SH3PXD2B: variants seen among roughly 807,000 people sequenced by gnomAD.
SH3PXD2B encodes SH3 and PX domain-containing protein 2B.
SH3PXD2B carries 37 observed loss-of-function variants against 73.1 expected under a neutral mutation model. The observed-to-expected ratio is 0.51, with a 90% CI of 0.39 to 0.67. The LOEUF (loss-of-function observed/expected upper bound fraction) is 0.67, where lower values mean the gene tolerates loss of function less well. SH3PXD2B is among the 30% of genes least tolerant of loss of function. The pLI is 0.00. For synonymous variants in SH3PXD2B, 457 were observed against 480.5 expected (o/e 0.95, Z 0.64); for missense variants, 1,053 against 1,197.8 (o/e 0.88, Z 1.78).
chr5:172,441,238 T>C (rs1363293066), intron 1 of SH3PXD2B, among the ~76,000 whole-genome samples: 3 of 152,052 alleles, frequency 2.0e-5, no homozygotes, highest in Admixed American at 6.6e-5. Flanking sequence ...GATACCGAGG[T>C]TCTGAGAGGT....
At chr5:172,325,589 C>T (rs1355707185) in intron 12 of SH3PXD2B, among the ~76,000 whole-genome samples, 2 of 152,174 alleles carry the variant, frequency 1.3e-5, no homozygotes, top group African/African-American at 2.4e-5. Context: ...CTCGCTGGGT[C>T]CTCACGTGGT....
At chr5:172,429,537 C>A (rs1179601038) in intron 1 of SH3PXD2B, among the ~76,000 whole-genome samples, 1 of 151,598 alleles carries the variant, frequency 6.6e-6, no homozygotes, top group Non-Finnish European at 1.5e-5. Context: ...AACCTGATTG[C>A]AAACCCAGTT....
intron 6 of SH3PXD2B, among the ~76,000 whole-genome samples, chr5:172,372,854 T>G (rs1165428537): frequency 6.6e-6 from 1 of 152,136 alleles, no homozygotes; most frequent in Non-Finnish European, 1.5e-5. Flanking sequence ...AGCGCTGGAT[T>G]CTGGAAGTTC....
intron 1 of SH3PXD2B, among the ~76,000 whole-genome samples, chr5:172,438,959 C>T (rs181311339): frequency 1.2e-4 from 18 of 149,530 alleles, no homozygotes; most frequent in African/African-American, 4.4e-4. Context: ...AAAAAGATGG[C>T]AGGGTGTGGT....
At chr5:172,368,571 ATGTT>A (rs1757606774) in intron 6 of SH3PXD2B, among the ~76,000 whole-genome samples, 1 of 17,924 alleles carries the variant, frequency 5.6e-5, no homozygotes, top group African/African-American at 4.4e-4. Context: ...TATATAAAAT[ATGTT>A]ATATATATAT....
rs1756742654 is a variant in SH3PXD2B, at chr5:172,337,941, A to C, written c.*428T>G. On this transcript the variant is annotated 3_prime_UTR_variant, in exon 13 of 13. Transcript: ENST00000311601. ...GCTTTTAGAAACATGAAGAAGTTGG[A>C]GCAAAAGTCATCATGGACTGGGTTG... is the stretch of plus-strand genomic sequence containing the variant. 7.6e-6 allele frequency: 8 copies of C among 1,051,708 alleles called. No individual in the cohort carries two copies. The highest frequency in any genetic ancestry group is 9.2e-6 in the Non-Finnish European group (8 of 870,880). The allele number at this position is 1,051,708 out of a possible 1,614,324, so 65.1% of individuals were successfully genotyped here.
chr5:172,427,966 C>T (rs1175938810), intron 1 of SH3PXD2B, among the ~76,000 whole-genome samples: 6 of 151,850 alleles, frequency 4.0e-5, no homozygotes, highest in Admixed American at 2.0e-4. Context: ...TTAGTAGAGA[C>T]GGGGTTTCAC....
chr5:172,422,119 C>T (rs184782177), intron 2 of SH3PXD2B, among the ~76,000 whole-genome samples: 19 of 152,050 alleles, frequency 1.2e-4, no homozygotes, highest in African/African-American at 4.3e-4. Context: ...CTCAGCCTTC[C>T]GAGTAGCTGG....
intron 7 of SH3PXD2B, among the ~76,000 whole-genome samples, chr5:172,361,194 C>G (rs777767498): frequency 1.3e-5 from 2 of 151,978 alleles, no homozygotes; most frequent in Non-Finnish European, 2.9e-5. Flanking sequence ...TATGTTCACA[C>G]GTACACACAC....
At chr5:172,434,791 T>G (rs112411567) in intron 1 of SH3PXD2B, among the ~76,000 whole-genome samples, 1 of 149,882 alleles carries the variant, frequency 6.7e-6, no homozygotes, top group Non-Finnish European at 1.5e-5. Flanking sequence ...GGTTTTTTTT[T>G]TTTTTTTTTT....
chr5:172,425,319 G>A (rs571657393), intron 1 of SH3PXD2B, among the ~76,000 whole-genome samples: 1 of 152,268 alleles, frequency 6.6e-6, no homozygotes, highest in Admixed American at 6.5e-5. Context: ...CCCTGCCCTT[G>A]TTAAGTGGAG....
Position 172,432,987 on chromosome 5 carries a change from T to TAC in SH3PXD2B, c.76-10493_76-10492dup, listed in dbSNP as rs371432230. On this transcript the variant is annotated intron_variant, in intron 1 of 12. Transcript: ENST00000311601. ...AAATGTATGTGCGTTTGTGTGTCTG[T>TAC]ACACACACACACACAGTTACGCACC... 7.8e-3 allele frequency among the ~76,000 whole-genome samples: 1,173 copies of TAC among 150,136 alleles called. 18 individuals are homozygous for TAC. Among genetic ancestry groups the TAC allele is most frequent in the African/African-American group, 0.027 (1,101 of 40,970 alleles).
At chr5:172,367,230 G>A (rs1327636368) in intron 6 of SH3PXD2B, among the ~76,000 whole-genome samples, 4 of 151,990 alleles carry the variant, frequency 2.6e-5, no homozygotes, top group Non-Finnish European at 5.9e-5. Context: ...GAGCCACTGC[G>A]CCCGGCTGCC....
At chr5:172,330,932 C>T (rs1028815020), downstream of SH3PXD2B, among the ~76,000 whole-genome samples, 4 of 152,210 alleles carry the variant, frequency 2.6e-5, no homozygotes, top group Non-Finnish European at 4.4e-5. Context: ...CGGTGGCTCA[C>T]GCCTGCAATC....
intron 1 of SH3PXD2B, among the ~76,000 whole-genome samples, chr5:172,438,844 A>C (rs1238051110): frequency 6.6e-6 from 1 of 152,166 alleles, no homozygotes; most frequent in African/African-American, 2.4e-5. Flanking sequence ...GCTACACCAA[A>C]AAACAAAATT....
chr5:172,416,649 T>TTTA (rs1554140725), intron 2 of SH3PXD2B, among the ~76,000 whole-genome samples: 7 of 123,020 alleles, frequency 5.7e-5, no homozygotes, highest in African/African-American at 2.3e-4. Context: ...TTTTTTTTTT[T>TTTA]AAAAAGGACC....
At chr5:172,364,913 C>G (rs536267563) in intron 6 of SH3PXD2B, among the ~76,000 whole-genome samples, 24 of 152,354 alleles carry the variant, frequency 1.6e-4, no homozygotes, top group South Asian at 6.2e-4. Flanking sequence ...CACACCACTG[C>G]ACTCCAGCCT....
rs999364354 is a variant in SH3PXD2B, at chr5:172,353,473, C to T, written c.785+415G>A. 1.2e-4 allele frequency among the ~76,000 whole-genome samples: 19 copies of T among 152,154 alleles called. No homozygotes were observed. Among genetic ancestry groups the T allele is most frequent in the Admixed American group, 3.9e-4 (6 of 15,274 alleles). ...GCTTTTACCATTGGACTTTGAGAGA[C>T]GAGGGCAGATTATCAGCCTAGGACG... On this transcript the variant is annotated intron_variant, in intron 9 of 12. Coordinates refer to ENST00000311601, the MANE Select transcript of SH3PXD2B (RefSeq NM_001017995.3). The surrounding 1 kb of genome is among the most constrained non-coding windows in gnomAD (Gnocchi z 4.3).
At chr5:172,394,380 G>A (rs1758249243) in intron 4 of SH3PXD2B, among the ~76,000 whole-genome samples, 183 bp downstream of exon 4, 1 of 151,434 alleles carries the variant, frequency 6.6e-6, no homozygotes, top group Non-Finnish European at 1.5e-5. Context: ...AAGGAAATAT[G>A]TAAAACCCTT....
Sources: gnomAD v4.1 joint callset for allele counts (sites outside exome capture counted in the v4.1 genomes callset) on GRCh38, gnomAD v4.1.1 for gene constraint, Gnocchi (gnomAD v3.1) non-coding constraint, MANE v1.5 for transcripts, NCBI Gene and HGNC (gene_info 2026-07-23, HGNC 2026-07-21) for gene names.